SPATA31H1: variants seen among roughly 807,000 people sequenced by gnomAD.
The protein encoded by SPATA31H1 is SPATA31 subfamily H member 1.
the SPATA31H1 span, chr2:27,577,839 C>A: frequency 1.9e-6 from 3 of 1,614,110 alleles, no homozygotes; most frequent in East Asian, 6.7e-5. The surrounding 1 kb of genome is among the most constrained non-coding windows in gnomAD (Gnocchi z 4.5). Flanking sequence ...GCCCCTGAAG[C>A]AAACAAGTCA....
the SPATA31H1 span, chr2:27,579,900 C>T: frequency 1.9e-6 from 3 of 1,614,220 alleles, no homozygotes; most frequent in South Asian, 2.2e-5. Flanking sequence ...GCCTCCACCT[C>T]TAGCTTCAGG....
the SPATA31H1 span, among the ~76,000 whole-genome samples, chr2:27,563,563 T>A: frequency 7.6e-6 from 1 of 132,024 alleles, no homozygotes; most frequent in Admixed American, 7.4e-5. Context: ...ACCCAGCTAA[T>A]TTTTTTTTTT....
chr2:27,541,409 A>AGG, the SPATA31H1 span, among the ~76,000 whole-genome samples: 10 of 114,228 alleles, frequency 8.8e-5, no homozygotes, highest in African/African-American at 2.9e-4. Context: ...GAAGGGGGAG[A>AGG]GAGAGAGGGG....
At chr2:27,564,157 A>T in the SPATA31H1 span, among the ~76,000 whole-genome samples, 1 of 152,376 alleles carries the variant, frequency 6.6e-6, no homozygotes, top group East Asian at 1.9e-4. Flanking sequence ...TTAGAACTCC[A>T]AGCCAGTATG....
the SPATA31H1 span, chr2:27,579,871 G>A: frequency 1.1e-4 from 172 of 1,614,198 alleles, no homozygotes; most frequent in African/African-American, 2.0e-3. Flanking sequence ...CTCTTAAGGA[G>A]TCAAATACCC....
chr2:27,539,934 C>T, the SPATA31H1 span, among the ~76,000 whole-genome samples: 12 of 133,166 alleles, frequency 9.0e-5, no homozygotes, highest in South Asian at 2.6e-3. Flanking sequence ...CCCCCACCTC[C>T]CTCCCGGACG....
the SPATA31H1 span, chr2:27,566,776 T>C: frequency 1.4e-6 from 1 of 716,152 alleles, no homozygotes; most frequent in Non-Finnish European, 2.6e-6. Context: ...TCACAGGATA[T>C]GATTTCTTCC....
the SPATA31H1 span, among the ~76,000 whole-genome samples, chr2:27,563,570 T>G: frequency 6.6e-6 from 1 of 151,010 alleles, no homozygotes; most frequent in Non-Finnish European, 1.5e-5. Context: ...TAATTTTTTT[T>G]TTTTTTTGAG....
At chr2:27,553,764 AT>A in the SPATA31H1 span, among the ~76,000 whole-genome samples, 41,993 of 151,506 alleles carry the variant, frequency 0.28, 6,415 homozygotes, top group East Asian at 0.49. Context: ...TGTACTAAAA[AT>A]ACAAAAATTA....
chr2:27,579,934 G>C, the SPATA31H1 span: 1 of 1,613,984 alleles, frequency 6.2e-7, no homozygotes, highest in South Asian at 1.1e-5. Flanking sequence ...TACCCTATCT[G>C]CCTACAGTGT....
the SPATA31H1 span, chr2:27,568,266 A>C: frequency 2.5e-6 from 1 of 399,004 alleles, no homozygotes; most frequent in Non-Finnish European, 4.4e-6. Flanking sequence ...AGAAAAGATG[A>C]ATCTAAGGCC....
chr2:27,580,811 C>G, the SPATA31H1 span: 2 of 1,614,066 alleles, frequency 1.2e-6, no homozygotes, highest in East Asian at 2.2e-5. Context: ...GGTCAGCTGA[C>G]AAGCTAACGC....
At chr2:27,579,393 A>ATCTG in the SPATA31H1 span, 3 of 1,614,240 alleles carry the variant, frequency 1.9e-6, no homozygotes, top group Admixed American at 5.0e-5. Context: ...ACCTTCCCAG[A>ATCTG]GCCTGCCAGA....
chr2:27,541,207 CAAAACCCCG>C, the SPATA31H1 span, among the ~76,000 whole-genome samples: 1 of 151,756 alleles, frequency 6.6e-6, no homozygotes, highest in Non-Finnish European at 1.5e-5. Context: ...GCCAACACAG[CAAAACCCCG>C]TCTCCACCAA....
chr2:27,563,621 G>A, the SPATA31H1 span, among the ~76,000 whole-genome samples: 448 of 150,822 alleles, frequency 3.0e-3, no homozygotes, highest in African/African-American at 0.01. Flanking sequence ...GTTCAGTGGC[G>A]TGATCTCAGC....
At chr2:27,538,721 C>T in the SPATA31H1 span, among the ~76,000 whole-genome samples, 4 of 151,982 alleles carry the variant, frequency 2.6e-5, no homozygotes, top group Admixed American at 1.3e-4. Context: ...GTCTTAGCTA[C>T]CGGGGAGGCT....
At chr2:27,579,549 A>G in the SPATA31H1 span, 1 of 1,614,164 alleles carries the variant, frequency 6.2e-7, no homozygotes, top group Non-Finnish European at 8.5e-7. Flanking sequence ...ATACTCTGGG[A>G]CTAGAGTGAG....
the SPATA31H1 span, among the ~76,000 whole-genome samples, chr2:27,554,730 T>G: frequency 6.6e-6 from 1 of 152,030 alleles, no homozygotes; most frequent in Non-Finnish European, 1.5e-5. Context: ...TGTGCCATCA[T>G]GCCCGGCTAA....
the SPATA31H1 span, among the ~76,000 whole-genome samples, chr2:27,551,940 C>T: frequency 6.6e-6 from 1 of 151,852 alleles, no homozygotes; most frequent in African/African-American, 2.4e-5. Flanking sequence ...CTCAGCCTCC[C>T]GAGTAGCTGG....
Sources: gnomAD v4.1 joint callset for allele counts (sites outside exome capture counted in the v4.1 genomes callset) on GRCh38, gnomAD v4.1.1 for gene constraint, Gnocchi (gnomAD v3.1) non-coding constraint, MANE v1.5 for transcripts, NCBI Gene and HGNC (gene_info 2026-07-23, HGNC 2026-07-21) for gene names.